The following UNC5D variants were observed in gnomAD, a reference collection of about 807,000 sequenced individuals.
The protein encoded by UNC5D is unc-5 netrin receptor D.
Under a neutral mutation model 105.4 loss-of-function variants are expected in UNC5D, and 39 were observed. The ratio of observed to expected loss-of-function variants is 0.37; its 90% CI spans 0.29 to 0.48. The LOEUF is 0.48. UNC5D is among the 20% of genes least tolerant of loss of function. The pLI, the probability that UNC5D is intolerant of heterozygous loss-of-function variation, is 0.98. For missense variants in UNC5D, 991 were observed against 1,202.4 expected, an observed-to-expected ratio of 0.82 and a Z score of 2.60; for synonymous variants, 452 against 450.4, an observed-to-expected ratio of 1.00 and a Z score of -0.04.
chr8:35,335,822 GGCACGATCTCGACTCACT>G (rs1563323384), intron 1 of UNC5D, among the ~76,000 whole-genome samples: 1 of 138,558 alleles, frequency 7.2e-6, no homozygotes, highest in African/African-American at 2.7e-5. Flanking sequence ...GGAGTGCAGT[GGCACGATCTCGACTCACT>G]GCAAGCTCCG....
intron 1 of UNC5D, among the ~76,000 whole-genome samples, chr8:35,278,140 C>T (rs1334987609): frequency 6.6e-6 from 1 of 152,184 alleles, no homozygotes; most frequent in Non-Finnish European, 1.5e-5. Flanking sequence ...AGCCAGTCTT[C>T]ATCTAGCACT....
rs188163747 is a variant in UNC5D, at chr8:35,522,661, A to G, written c.104-26631A>G. Among the ~76,000 whole-genome samples, 9 of 152,304 alleles carry G rather than the reference A, an allele frequency of 5.9e-5. No individual in the cohort carries two copies. In the East Asian group the frequency reaches 1.5e-3, roughly 26 times the overall value. On this transcript the variant is annotated intron_variant, in intron 1 of 16. Transcript: ENST00000404895. ...CTAGAACACTAACCTCAATTGTACTATTAACTACTTCAGTGAACCTAGACA... is the reference window on the plus strand; with the variant it reads ...CTAGAACACTAACCTCAATTGTACTGTTAACTACTTCAGTGAACCTAGACA...
chr8:35,749,989 T>TTAAAAAAAAAAAA (rs1554600781), intron 12 of UNC5D, among the ~76,000 whole-genome samples: 1 of 136,932 alleles, frequency 7.3e-6, no homozygotes, highest in African/African-American at 3.3e-5. Context: ...GAAATAGTTG[T>TTAAAAAAAAAAAA]AAAAAAAAAA....
chr8:35,648,525 A>G (rs548484161), intron 4 of UNC5D, among the ~76,000 whole-genome samples: 1 of 151,890 alleles, frequency 6.6e-6, no homozygotes, highest in Admixed American at 6.6e-5. Flanking sequence ...CTAAAAATAC[A>G]AAAATTAGCC....
chr8:35,664,095 C>T (rs886549447), intron 4 of UNC5D, among the ~76,000 whole-genome samples: 1 of 152,144 alleles, frequency 6.6e-6, no homozygotes, highest in South Asian at 2.1e-4. Flanking sequence ...TTGTGTACTC[C>T]ACTTACTGAA....
At chr8:35,393,164 T>TCA (rs1204161270) in intron 1 of UNC5D, among the ~76,000 whole-genome samples, 1 of 128,944 alleles carries the variant, frequency 7.8e-6, no homozygotes, top group African/African-American at 2.9e-5. Flanking sequence ...AGACGGAGTC[T>TCA]CGCTGTCGCC....
intron 1 of UNC5D, among the ~76,000 whole-genome samples, chr8:35,377,245 C>T (rs1187767044): frequency 6.6e-6 from 1 of 152,198 alleles, no homozygotes. Flanking sequence ...GTCCTTTCAC[C>T]TGTGTAACAA....
intron 1 of UNC5D, among the ~76,000 whole-genome samples, chr8:35,371,632 CA>C (rs1344854934): frequency 6.6e-6 from 1 of 151,992 alleles, no homozygotes; most frequent in Non-Finnish European, 1.5e-5. Flanking sequence ...GTTTGTTATG[CA>C]TTTGTAGCTA....
At chr8:35,643,171 G>T (rs1822854107) in intron 4 of UNC5D, among the ~76,000 whole-genome samples, 1 of 152,092 alleles carries the variant, frequency 6.6e-6, no homozygotes. Context: ...TGTTTAGTGG[G>T]ATCCGTGGCC....
intron 1 of UNC5D, among the ~76,000 whole-genome samples, chr8:35,425,114 A>T (rs1285688914): frequency 2.0e-5 from 3 of 152,246 alleles, no homozygotes; most frequent in African/African-American, 7.2e-5. Context: ...GCAGCACACC[A>T]ACATGGCACA....
chr8:35,702,479 T>C (rs1827276929), intron 7 of UNC5D, among the ~76,000 whole-genome samples: 1 of 151,714 alleles, frequency 6.6e-6, no homozygotes, highest in Non-Finnish European at 1.5e-5. Flanking sequence ...CCAAGAACCA[T>C]GGCCCTAATG....
intron 1 of UNC5D, among the ~76,000 whole-genome samples, chr8:35,295,399 A>G (rs952226585): frequency 6.6e-6 from 1 of 152,174 alleles, no homozygotes; most frequent in Non-Finnish European, 1.5e-5. Flanking sequence ...ATTGTTGCAA[A>G]TCTTCAAAAA....
intron 2 of UNC5D, among the ~76,000 whole-genome samples, chr8:35,554,320 C>T (rs561190560): frequency 2.6e-5 from 4 of 152,348 alleles, no homozygotes; most frequent in Admixed American, 2.0e-4. Context: ...ATTTATTTGA[C>T]ATGAGTTACT....
At chr8:35,744,320 T>A (rs923481348) in intron 11 of UNC5D, among the ~76,000 whole-genome samples, 3 of 152,234 alleles carry the variant, frequency 2.0e-5, no homozygotes, top group Admixed American at 2.0e-4. Flanking sequence ...TGAAGTACTA[T>A]TTTACCCTTC....
intron 4 of UNC5D, among the ~76,000 whole-genome samples, chr8:35,657,985 C>T (rs1231698283): frequency 2.0e-5 from 3 of 152,144 alleles, no homozygotes; most frequent in Non-Finnish European, 4.4e-5. Flanking sequence ...TGCTCTATAA[C>T]ATATTACCGC....
At chr8:35,402,979 T>G (rs1804568806) in intron 1 of UNC5D, among the ~76,000 whole-genome samples, 1 of 152,160 alleles carries the variant, frequency 6.6e-6, no homozygotes, top group Non-Finnish European at 1.5e-5. Context: ...GACCTGTTCT[T>G]TCTCTCCAGT....
At chr8:35,503,468 C>G (rs1671905763) in intron 1 of UNC5D, among the ~76,000 whole-genome samples, 1 of 152,124 alleles carries the variant, frequency 6.6e-6, no homozygotes, top group Non-Finnish European at 1.5e-5. Flanking sequence ...AATTATCTCC[C>G]ACCAGGTCCC....
chr8:35,332,474 A>G (rs1810700826), intron 1 of UNC5D, among the ~76,000 whole-genome samples: 1 of 152,246 alleles, frequency 6.6e-6, no homozygotes, highest in Admixed American at 6.5e-5. Context: ...GTTGAAAATG[A>G]AAAGATTTCA....
chr8:35,369,802 G>C (rs986657839), intron 1 of UNC5D, among the ~76,000 whole-genome samples: 2 of 152,104 alleles, frequency 1.3e-5, no homozygotes, highest in African/African-American at 2.4e-5. Flanking sequence ...CCTGAGCTTT[G>C]CTTTGGTAGG....
Sources: allele counts gnomAD v4.1 joint callset (sites outside exome capture counted in the v4.1 genomes callset), GRCh38; gene constraint gnomAD v4.1.1; transcripts MANE v1.5; gene names NCBI Gene and HGNC (gene_info 2026-07-23, HGNC 2026-07-21).